MYH14: variants seen among roughly 807,000 people sequenced by gnomAD.
The protein encoded by MYH14 is myosin-14.
In MYH14, 123 loss-of-function variants were observed where a neutral mutation model predicts 255.5. The ratio of observed to expected loss-of-function variants is 0.48; its 90% confidence interval spans 0.42 to 0.56. The LOEUF (loss-of-function observed/expected upper bound fraction) is 0.56, where lower values mean the gene tolerates loss of function less well. Ranked by LOEUF, MYH14 falls within the 20% of genes least tolerant of loss-of-function variation. The pLI is 0.00. For missense variants in MYH14, 2,423 were observed against 2,802.3 expected, an observed-to-expected ratio of 0.86 and a Z score of 3.06; for synonymous variants, 1,095 against 1,161.2, an observed-to-expected ratio of 0.94 and a Z score of 1.16.
At chr19:50,219,012 A>T (rs199591935) in intron 3 of MYH14, among the ~76,000 whole-genome samples, 8 of 42,182 alleles carry the variant, frequency 1.9e-4, no homozygotes, top group South Asian at 1.5e-3. Context: ...GTATATATAT[A>T]TTTTTTATAT....
In MYH14 at chr19:50,230,854, G is replaced by A; in HGVS notation, c.973+231G>A. The A allele has an allele frequency of 1.9e-6, 1 of 519,594 alleles. No individual in the cohort carries two copies. Among genetic ancestry groups the A allele is most frequent in the Non-Finnish European group, 3.5e-6 (1 of 289,738 alleles). 32.2% of individuals were successfully genotyped at this position (519,594 alleles called of 1,614,324 possible). On this transcript the variant is annotated intron_variant, in intron 9 of 42. Coordinates refer to ENST00000642316, the MANE Select transcript of MYH14 (RefSeq NM_001145809.2). The surrounding 1 kb of genome is among the most constrained non-coding windows in gnomAD (Gnocchi z 4.7). ...GTCCCGGGTCTGGCTCGCGCCCGCTGTCACGGCCACGCAGCCCCCGCCGCC... is the reference window on the plus strand; with the variant it reads ...GTCCCGGGTCTGGCTCGCGCCCGCTATCACGGCCACGCAGCCCCCGCCGCC...
At chr19:50,222,919 G>A (rs996894493) in intron 3 of MYH14, among the ~76,000 whole-genome samples, 164 bp from the exon 4 acceptor site, 1 of 152,222 alleles carries the variant, frequency 6.6e-6, no homozygotes, top group African/African-American at 2.4e-5. Flanking sequence ...GCAGGGGGCT[G>A]AGCTGGGTGG....
Position 50,247,130 on chromosome 19 carries a change from G to T in MYH14, c.1329+8G>T. ...GCCCAGACTAAGGAACAGGTAGGCGGGGCTGGCGGTGGGCAGGCACAGAAA... is the reference window on the plus strand; with the variant it reads ...GCCCAGACTAAGGAACAGGTAGGCGTGGCTGGCGGTGGGCAGGCACAGAAA... On this transcript the variant is annotated splice_region_variant and intron_variant, in intron 12 of 42. Coordinates refer to ENST00000642316, the MANE Select transcript of MYH14 (RefSeq NM_001145809.2). 6.2e-7 allele frequency: 1 copy of T among 1,602,110 alleles called. No homozygotes were observed.
At chr19:50,231,428 C>T (rs1254279128) in intron 9 of MYH14, among the ~76,000 whole-genome samples, 1 of 152,252 alleles carries the variant, frequency 6.6e-6, no homozygotes, top group African/African-American at 2.4e-5. Flanking sequence ...GAGTGGTATA[C>T]ACTGCGTGGG....
At chr19:50,242,545 G>C (rs148468049) in intron 10 of MYH14, among the ~76,000 whole-genome samples, 1 of 152,164 alleles carries the variant, frequency 6.6e-6, no homozygotes, top group Non-Finnish European at 1.5e-5. Context: ...CCAAGATTCA[G>C]TTACCTCCCA....
Position 50,230,796 on chromosome 19 carries a change from C to T in MYH14, c.973+173C>T, listed in dbSNP as rs1428167335. ...TCGCTGCGTAGTGGCGTCTGTCGCA[C>T]GGTGGGTTCTGCTGCGCTCTGGTTC... On this transcript the variant is annotated intron_variant, in intron 9 of 42. Coordinates refer to ENST00000642316, the MANE Select transcript of MYH14 (RefSeq NM_001145809.2). The surrounding 1 kb of genome is among the most constrained non-coding windows in gnomAD (Gnocchi z 4.7). 4.9e-6 allele frequency: 3 copies of T among 616,460 alleles called. No homozygotes were observed. The highest frequency in any genetic ancestry group is 3.7e-5 in the African/African-American group (2 of 54,236). 38.2% of individuals were successfully genotyped at this position (616,460 alleles called of 1,614,324 possible). A position where few individuals can be genotyped will look rare whatever the true frequency, so the allele number is the denominator to read the frequency against.
In MYH14 at chr19:50,272,679, C is replaced by A. The variant is rs1465576528; in HGVS notation, c.3415C>A (p.Leu1139Met). The change falls in exon 27 of 43, where the codon CTG (leucine) becomes ATG (methionine). Residue 1139 changes from leucine to methionine, a missense_variant. Leu to Met is a conservative substitution (Grantham distance 15). Coordinates refer to ENST00000642316, the MANE Select transcript of MYH14 (RefSeq NM_001145809.2). ...GGAGCAGCAACAGCGGGCAGAGGAG[C>A]TGCGGGCCCAGCTGGGCCGGAAGGA... is the stretch of plus-strand genomic sequence containing the variant. ...MVEQQQRAEE[L>M]RAQLGRKEEE... The A allele has an allele frequency of 6.4e-7, 1 of 1,554,468 alleles. No homozygotes were observed. Among genetic ancestry groups the A allele is most frequent in the Non-Finnish European group, 8.7e-7 (1 of 1,149,544 alleles).
In MYH14 at chr19:50,271,475, A is replaced by T. The variant is rs1325611682; in HGVS notation, c.3100A>T (p.Thr1034Ser). ...RQKLQLEKVT[T>S]EAKMKKFEED... ...GAAGCTGCAGCTGGAGAAGGTGACG[A>T]CAGAGGCAAAAATGAAGAAATTTGA... Residue 1034 changes from threonine to serine, a missense_variant, in exon 25 of 43, where the codon ACA becomes TCA. Coordinates refer to ENST00000642316, the MANE Select transcript of MYH14 (RefSeq NM_001145809.2). The T allele has an allele frequency of 6.2e-7, 1 of 1,608,438 alleles. No individual in the cohort carries two copies. The highest frequency in any genetic ancestry group is 1.3e-5 in the African/African-American group (1 of 74,962).
In MYH14 at chr19:50,223,930, G is replaced by A. The variant is rs7258647; in HGVS notation, c.694-224G>A. 0.51 allele frequency among the ~76,000 whole-genome samples: 76,775 copies of A among 151,886 alleles called. 21,972 individuals are homozygous for A. Among genetic ancestry groups the A allele is most frequent in the Non-Finnish European group, 0.64 (43,304 of 67,944 alleles). On this transcript the variant is annotated intron_variant, in intron 5 of 42. Coordinates refer to ENST00000642316, the MANE Select transcript of MYH14 (RefSeq NM_001145809.2). ...CAAGACCAGCCTGGGTAATATAGTG[G>A]GACCCCATCGCTACAAAAAACATTT...
At chr19:50,269,455 T>C (rs2035215519) in intron 24 of MYH14, among the ~76,000 whole-genome samples, 2 of 152,216 alleles carry the variant, frequency 1.3e-5, no homozygotes, top group African/African-American at 4.8e-5. Flanking sequence ...GTGCTGGGAT[T>C]ACAGGCGTGA....
chr19:50,300,809 T>G (rs1377817), intron 39 of MYH14, among the ~76,000 whole-genome samples: 23,133 of 152,046 alleles, frequency 0.15, 1,964 homozygotes, highest in East Asian at 0.27. Context: ...TGTGATCTCA[T>G]CTACTCAGGA....
chr19:50,266,853 T>A lies in MYH14; in HGVS notation c.2695-24T>A, dbSNP rs1164041480. On this transcript the variant is annotated intron_variant, in intron 22 of 42. Coordinates refer to ENST00000642316, the MANE Select transcript of MYH14 (RefSeq NM_001145809.2). The surrounding 1 kb of genome is among the most constrained non-coding windows in gnomAD (Gnocchi z 4.1). ...GGTCTTGGCGCCTGAAGTCAGCCAT[T>A]CCACCCCTTTCACCTCCACCTAGGT... The A allele has an allele frequency of 6.4e-7, 1 of 1,551,302 alleles. No individual in the cohort carries two copies. The highest frequency in any genetic ancestry group is 8.7e-7 in the Non-Finnish European group (1 of 1,146,898).
chr19:50,252,713 C>G lies in MYH14; in HGVS notation c.1905C>G (p.His635Gln), dbSNP rs779075376. ...PLNDNVAALL[H>Q]QSTDRLTAEI... Reference sequence around the variant, plus strand: ...ATGACAACGTCGCAGCCTTGCTCCACCAGAGCACAGACCGGCTGACGGCAG... The same window carrying G: ...ATGACAACGTCGCAGCCTTGCTCCAGCAGAGCACAGACCGGCTGACGGCAG... The change falls in exon 16 of 43, where the codon CAC (histidine) becomes CAG (glutamine). Residue 635 changes from histidine to glutamine, a missense_variant. Transcript: ENST00000642316. The surrounding 1 kb of genome is among the most constrained non-coding windows in gnomAD (Gnocchi z 4.2). 8.7e-6 allele frequency: 14 copies of G among 1,600,722 alleles called. No individual in the cohort carries two copies. In the South Asian group the frequency reaches 1.5e-4, roughly 17 times the overall value.
intron 40 of MYH14, among the ~76,000 whole-genome samples, chr19:50,306,729 G>T (rs1267775232): frequency 6.6e-6 from 1 of 152,152 alleles, no homozygotes; most frequent in African/African-American, 2.4e-5. Context: ...GAAAATGAAT[G>T]GGCCCAAAGA....
At chr19:50,233,621 G>T (rs1309996788) in intron 10 of MYH14, among the ~76,000 whole-genome samples, 1 of 152,132 alleles carries the variant, frequency 6.6e-6, no homozygotes, top group Non-Finnish European at 1.5e-5. Flanking sequence ...CAGACGCCCG[G>T]GATCGTGGTG....
intron 39 of MYH14, among the ~76,000 whole-genome samples, chr19:50,298,173 C>T (rs189014330): frequency 4.6e-5 from 7 of 152,258 alleles, no homozygotes; most frequent in Non-Finnish European, 8.8e-5. Context: ...CTAAACCCAG[C>T]GAGGCCTGTC....
chr19:50,259,481 T>C (rs1170662092), intron 19 of MYH14, among the ~76,000 whole-genome samples: 1 of 152,032 alleles, frequency 6.6e-6, no homozygotes, highest in Non-Finnish European at 1.5e-5. Context: ...GCACACAGAG[T>C]CTATGGGGAT....
In MYH14 at chr19:50,309,513, C is replaced by G. The variant is rs993916376; in HGVS notation, c.5961-127C>G. On this transcript the variant is annotated intron_variant, in intron 42 of 42. Transcript: ENST00000642316. ...TTCTCTTGATCTCATCCCTCTCTTCCCCCTTATTTTGTTCTCTCTCTTCCT... is the reference window on the plus strand; with the variant it reads ...TTCTCTTGATCTCATCCCTCTCTTCGCCCTTATTTTGTTCTCTCTCTTCCT... 7.2e-6 allele frequency: 5 copies of G among 692,328 alleles called. No homozygotes were observed. In the East Asian group the frequency reaches 1.4e-4, roughly 19 times the overall value. 42.9% of individuals were successfully genotyped at this position (692,328 alleles called of 1,614,324 possible). A position where few individuals can be genotyped will look rare whatever the true frequency, so the allele number is the denominator to read the frequency against.
intron 18 of MYH14, chr19:50,258,355 C>CA (rs1184377320): frequency 6.6e-6 from 1 of 152,178 alleles, no homozygotes; most frequent in East Asian, 1.9e-4. Flanking sequence ...TTCTTGGTGG[C>CA]ATATTTAACG....
Sources: gnomAD v4.1 joint callset for allele counts (sites outside exome capture counted in the v4.1 genomes callset) on GRCh38, gnomAD v4.1.1 for gene constraint, Gnocchi (gnomAD v3.1) non-coding constraint, MANE v1.5 for transcripts, NCBI Gene and HGNC (gene_info 2026-07-23, HGNC 2026-07-21) for gene names.